The following ELMO1 variants were observed in gnomAD, a reference collection of about 807,000 sequenced individuals.
ELMO1 encodes engulfment and cell motility protein 1.
A neutral mutation model predicts 98.9 loss-of-function variants in ELMO1; 26 were observed. That is an observed-to-expected ratio of 0.26 (90% CI 0.19 to 0.36). The LOEUF is 0.36. ELMO1 is among the 10% of genes least tolerant of loss of function. The pLI, the probability that ELMO1 is intolerant of heterozygous loss-of-function variation, is 1.00. For missense variants in ELMO1, 627 were observed against 935.2 expected (o/e 0.67, Z 4.30); for synonymous variants, 346 against 346.0 (o/e 1.00, Z 0.00).
At chr7:37,379,189 A>G (rs1280312938) in intron 1 of ELMO1, among the ~76,000 whole-genome samples, 2 of 151,886 alleles carry the variant, frequency 1.3e-5, no homozygotes, top group African/African-American at 2.4e-5. Context: ...ACAGGCGCCT[A>G]CCACCACTCC....
At chr7:36,878,828 T>C (rs2129045337) in intron 18 of ELMO1, among the ~76,000 whole-genome samples, 1 of 152,330 alleles carries the variant, frequency 6.6e-6, no homozygotes, top group South Asian at 2.1e-4. Flanking sequence ...CCTCAGTCTC[T>C]CAAAAGTGAG....
At chr7:37,184,824 A>C (rs1791099642) in intron 13 of ELMO1, among the ~76,000 whole-genome samples, 1 of 152,020 alleles carries the variant, frequency 6.6e-6, no homozygotes, top group South Asian at 2.1e-4. Context: ...ACTTGACCCC[A>C]GGAAGGTGAG....
chr7:37,010,064 G>GGAACC, intron 16 of ELMO1, among the ~76,000 whole-genome samples: 1 of 152,264 alleles, frequency 6.6e-6, no homozygotes, highest in East Asian at 1.9e-4. Context: ...CTGTCACAAA[G>GGAACC]AGGCTTCCTT....
intron 4 of ELMO1, among the ~76,000 whole-genome samples, chr7:37,288,426 T>C (rs973487232): frequency 4.6e-5 from 7 of 152,206 alleles, no homozygotes; most frequent in Non-Finnish European, 1.0e-4. Flanking sequence ...GGTTTCTCCA[T>C]GTTGGTCAGG....
At chr7:37,143,860 G>A (rs983790194) in intron 13 of ELMO1, among the ~76,000 whole-genome samples, 3 of 151,638 alleles carry the variant, frequency 2.0e-5, no homozygotes, top group Admixed American at 6.6e-5. Context: ...ACAGGCATGC[G>A]TCACCATGCC....
Position 37,171,483 on chromosome 7 carries a change from A to ATTTTTTTTTTTT in ELMO1, c.1087-38261_1087-38250dup, listed in dbSNP as rs71780142. ...TTTATTCTTGTAACCAGGCCTTTCT[A>ATTTTTTTTTTTT]TTTTTTTTTTTTTTTTTTTTTTTTT... is the stretch of plus-strand genomic sequence containing the variant. On this transcript the variant is annotated intron_variant, in intron 13 of 21. Transcript: ENST00000310758. Among the ~76,000 whole-genome samples the ATTTTTTTTTTTT allele has an allele frequency of 1.1e-4, 9 of 82,944 alleles. 1 individual carries two copies. The highest frequency in any genetic ancestry group is 1.8e-4 in the Non-Finnish European group (8 of 44,658). 54.4% of individuals were successfully genotyped at this position (82,944 alleles called of 152,430 possible). A position where few individuals can be genotyped will look rare whatever the true frequency, so the allele number is the denominator to read the frequency against.
intron 15 of ELMO1, among the ~76,000 whole-genome samples, chr7:37,022,499 G>GA (rs1164314526): frequency 2.0e-5 from 3 of 151,990 alleles, no homozygotes; most frequent in Non-Finnish European, 2.9e-5. Flanking sequence ...TTAAGTCACA[G>GA]AAAAAAATAT....
intron 14 of ELMO1, among the ~76,000 whole-genome samples, chr7:37,125,199 GC>G (rs1469134225): frequency 2.4e-4 from 36 of 152,034 alleles, no homozygotes; most frequent in Non-Finnish European, 2.9e-4. Flanking sequence ...GAAAACCTAG[GC>G]ATTACCATTC....
chr7:37,130,757 TTGTGTG>T lies in ELMO1; in HGVS notation c.1191+2367_1191+2372del, dbSNP rs10649292. Reference sequence around the variant, plus strand: ...AATATTTGTGCATATATACATGTGTTTGTGTGTGTGTGTGTGTGTTACAATTTTTTT... The same window carrying T: ...AATATTTGTGCATATATACATGTGTTTGTGTGTGTGTGTTACAATTTTTTT... On this transcript the variant is annotated intron_variant, in intron 14 of 21. Coordinates refer to ENST00000310758, the MANE Select transcript of ELMO1 (RefSeq NM_014800.11). 2.3e-4 allele frequency among the ~76,000 whole-genome samples: 35 copies of T among 150,786 alleles called. No homozygotes were observed. In the South Asian group the frequency reaches 6.7e-3, roughly 29 times the overall value.
intron 13 of ELMO1, among the ~76,000 whole-genome samples, chr7:37,138,064 T>C (rs1173163279): frequency 6.6e-6 from 1 of 152,166 alleles, no homozygotes; most frequent in African/African-American, 2.4e-5. Flanking sequence ...TCAAAACCTC[T>C]GGGATATAGC....
chr7:36,965,780 C>T (rs571626262), intron 16 of ELMO1, among the ~76,000 whole-genome samples: 43 of 152,134 alleles, frequency 2.8e-4, no homozygotes, highest in Non-Finnish European at 5.4e-4. Flanking sequence ...ACATCATTTC[C>T]TCTGCATTAC....
At position 37,065,570 on chromosome 7, in the gene ELMO1, C is replaced by T. The variant is rs571844831; in HGVS notation, c.1300+31049G>A. On this transcript the variant is annotated intron_variant, in intron 15 of 21. Coordinates refer to ENST00000310758, the MANE Select transcript of ELMO1 (RefSeq NM_014800.11). ...TAGAAGCCCTTAAATGAAGGTCTTCCATGGGTTTGCATGCTGGACCTCTGT... is the reference window on the plus strand; with the variant it reads ...TAGAAGCCCTTAAATGAAGGTCTTCTATGGGTTTGCATGCTGGACCTCTGT... 3.9e-5 allele frequency among the ~76,000 whole-genome samples: 6 copies of T among 152,238 alleles called. No homozygotes were observed. In the South Asian group the frequency reaches 6.2e-4, roughly 16 times the overall value.
At chr7:37,163,968 T>A (rs1789435085) in intron 13 of ELMO1, among the ~76,000 whole-genome samples, 1 of 152,236 alleles carries the variant, frequency 6.6e-6, no homozygotes, top group Non-Finnish European at 1.5e-5. Context: ...TGTAATAGTG[T>A]TCCTATTTCT....
At chr7:37,377,193 T>C (rs575684974) in intron 1 of ELMO1, among the ~76,000 whole-genome samples, 39 of 152,328 alleles carry the variant, frequency 2.6e-4, no homozygotes, top group African/African-American at 8.9e-4. Flanking sequence ...ATTCAAAATT[T>C]GAAGTACAGT....
chr7:37,328,506 C>CATCTCAA (rs1799939838), intron 2 of ELMO1, among the ~76,000 whole-genome samples: 1 of 150,966 alleles, frequency 6.6e-6, no homozygotes, highest in African/African-American at 2.4e-5. Context: ...CCTTTAACTC[C>CATCTCAA]ATCTCAAATC....
At chr7:36,964,048 C>T (rs992405211) in intron 16 of ELMO1, among the ~76,000 whole-genome samples, 1 of 152,080 alleles carries the variant, frequency 6.6e-6, no homozygotes. Context: ...TTTATATATC[C>T]TATTAAATTG....
intron 1 of ELMO1, among the ~76,000 whole-genome samples, chr7:37,412,188 T>C (rs1039055216): frequency 6.6e-6 from 1 of 152,246 alleles, no homozygotes; most frequent in African/African-American, 2.4e-5. Flanking sequence ...CCTTTTGTTC[T>C]TTCTTCAAAG....
chr7:37,017,750 A>G (rs1247078001), intron 15 of ELMO1, among the ~76,000 whole-genome samples: 1 of 152,108 alleles, frequency 6.6e-6, no homozygotes, highest in Non-Finnish European at 1.5e-5. Context: ...TTTGAATGTA[A>G]TTCTTTGTAC....
At chr7:37,341,134 TC>T (rs1800693417) in intron 2 of ELMO1, among the ~76,000 whole-genome samples, 2 of 52,754 alleles carry the variant, frequency 3.8e-5, no homozygotes, top group Non-Finnish European at 5.7e-5. Flanking sequence ...TAATGTGCTT[TC>T]GGGTGATGCC....
Sources: allele counts gnomAD v4.1 joint callset (sites outside exome capture counted in the v4.1 genomes callset), GRCh38; gene constraint gnomAD v4.1.1; transcripts MANE v1.5; gene names NCBI Gene and HGNC (gene_info 2026-07-23, HGNC 2026-07-21).